Variants in VSTM1 observed in about 807,000 individuals in gnomAD.
The protein encoded by VSTM1 is V-set and transmembrane domain containing 1, also known as V-set and transmembrane domain-containing protein 1.
VSTM1 carries 27 observed loss-of-function variants against 33.1 expected under a neutral mutation model. The ratio of observed to expected loss-of-function variants is 0.82; its 90% CI spans 0.60 to 1.12. The LOEUF (loss-of-function observed/expected upper bound fraction) is 1.12, where lower values mean the gene tolerates loss of function less well. Among genes scored for constraint, VSTM1 ranks in the 50% most tolerant of loss-of-function variants. The probability of loss-of-function intolerance (pLI) is 0.00; values close to 1 mark genes in which losing one functional copy is unlikely to be tolerated. For synonymous variants in VSTM1, 115 were observed against 110.3 expected (o/e 1.04, Z -0.27); for missense variants, 304 against 288.9 (o/e 1.05, Z -0.38).
At chr19:54,042,423 T>C (rs1443496344) in intron 4 of VSTM1, 54 bp from the exon 5 acceptor site, 1 of 1,575,692 alleles carries the variant, frequency 6.3e-7, no homozygotes, top group Non-Finnish European at 8.6e-7. Flanking sequence ...AATCCACTGA[T>C]AGGGGCGAGC....
chr19:54,041,474 T>G (rs2070263220), intron 8 of VSTM1, among the ~76,000 whole-genome samples: 2 of 152,076 alleles, frequency 1.3e-5, no homozygotes, highest in Non-Finnish European at 2.9e-5. Flanking sequence ...GCTAATTTTT[T>G]GTATCTTTAG....
chr19:54,045,372 C>A (rs1293661762), intron 4 of VSTM1, among the ~76,000 whole-genome samples: 1 of 152,078 alleles, frequency 6.6e-6, no homozygotes, highest in Non-Finnish European at 1.5e-5. Context: ...CCTATCCAAT[C>A]TATCTATCCT....
chr19:54,054,878 TG>T (rs1293818345), intron 3 of VSTM1, among the ~76,000 whole-genome samples: 1 of 129,756 alleles, frequency 7.7e-6, no homozygotes, highest in Non-Finnish European at 1.7e-5. Flanking sequence ...GATGGATGGA[TG>T]GATGAGTTGA....
intron 4 of VSTM1, among the ~76,000 whole-genome samples, chr19:54,049,991 ATT>A (rs11297678): frequency 4.7e-4 from 47 of 99,082 alleles, no homozygotes; most frequent in African/African-American, 6.7e-4. Flanking sequence ...TAACTTTTTA[ATT>A]TTTTTTTTTT....
chr19:54,057,343 T>C (rs372721821), intron 3 of VSTM1, among the ~76,000 whole-genome samples: 1 of 107,206 alleles, frequency 9.3e-6, no homozygotes, highest in African/African-American at 3.4e-5. Flanking sequence ...ACATAGATCC[T>C]GTCTCAACAA....
rs769141344 is a variant in VSTM1, at chr19:54,051,294, A to AAAACAAAC, written c.394+108_394+115dup. The AAAACAAAC allele has an allele frequency of 4.4e-5, 45 of 1,014,990 alleles. No homozygotes were observed. The African/African-American group carries it at 6.9e-4, about 16-fold the overall frequency. The allele number at this position is 1,014,990 out of a possible 1,614,324, so 62.9% of individuals were successfully genotyped here. A position where few individuals can be genotyped will look rare whatever the true frequency, so the allele number is the denominator to read the frequency against. On this transcript the variant is annotated intron_variant, in intron 4 of 8. Coordinates refer to ENST00000338372, the MANE Select transcript of VSTM1 (RefSeq NM_198481.4). Reference sequence around the variant, plus strand: ...GTGACAAAGCGAGACTCTATCTCAAAAAACAAACAAACAAACAAACAAACA... The same window carrying AAAACAAAC: ...GTGACAAAGCGAGACTCTATCTCAAAAAACAAACAAACAAACAAACAAACAAACAAACA...
At chr19:54,043,416 C>CTT (rs761364397) in intron 4 of VSTM1, among the ~76,000 whole-genome samples, 20 of 146,398 alleles carry the variant, frequency 1.4e-4, no homozygotes, top group Admixed American at 7.5e-4. Context: ...TATATGTTCT[C>CTT]TTTTTTTTTT....
chr19:54,049,991 ATTTTTTT>A (rs11297678), intron 4 of VSTM1, among the ~76,000 whole-genome samples: 29 of 99,106 alleles, frequency 2.9e-4, no homozygotes, highest in South Asian at 6.2e-4. Flanking sequence ...TAACTTTTTA[ATTTTTTT>A]TTTTTTTTTT....
intron 4 of VSTM1, among the ~76,000 whole-genome samples, chr19:54,046,205 A>G (rs1333341083): frequency 1.3e-5 from 2 of 152,132 alleles, no homozygotes; most frequent in Non-Finnish European, 2.9e-5. Flanking sequence ...TATCTATCAC[A>G]TCTAATTATC....
chr19:54,050,258 C>T (rs1414039007), intron 4 of VSTM1, among the ~76,000 whole-genome samples: 1 of 151,944 alleles, frequency 6.6e-6, no homozygotes, highest in African/African-American at 2.4e-5. Context: ...CTCGGCCTCC[C>T]AAAGTGCTGG....
At chr19:54,062,848 C>T (rs1037286137) in intron 1 of VSTM1, among the ~76,000 whole-genome samples, 5 of 152,114 alleles carry the variant, frequency 3.3e-5, no homozygotes, top group Non-Finnish European at 5.9e-5. Flanking sequence ...CGATGTCCAC[C>T]GCACCCCCCG....
chr19:54,049,105 A>C (rs1421084874), intron 4 of VSTM1, among the ~76,000 whole-genome samples: 2 of 152,144 alleles, frequency 1.3e-5, no homozygotes, highest in Non-Finnish European at 2.9e-5. Flanking sequence ...AACAAAAACA[A>C]AAAAAAGAAT....
At chr19:54,044,305 T>A (rs1047137846) in intron 4 of VSTM1, among the ~76,000 whole-genome samples, 4 of 152,126 alleles carry the variant, frequency 2.6e-5, no homozygotes, top group Non-Finnish European at 2.9e-5. Flanking sequence ...ACGCCTGTAA[T>A]CCTGGCACTT....
chr19:54,045,794 T>C (rs148966274), intron 4 of VSTM1, among the ~76,000 whole-genome samples: 14 of 152,172 alleles, frequency 9.2e-5, no homozygotes, highest in African/African-American at 3.4e-4. Context: ...TATCTATCTA[T>C]CTATCTAGCT....
intron 1 of VSTM1, among the ~76,000 whole-genome samples, chr19:54,060,460 G>A (rs1215764276): frequency 4.6e-5 from 7 of 152,066 alleles, no homozygotes; most frequent in African/African-American, 1.2e-4. Context: ...GATACAGAAC[G>A]TGACCCCCCA....
At chr19:54,063,647 C>T (rs662850) in intron 1 of VSTM1, 97 bp downstream of exon 1, 601,901 of 1,469,712 alleles carry the variant, frequency 0.41, 125,347 homozygotes, top group African/African-American at 0.59. Context: ...ACCTGGAAGT[C>T]ATTACTTCCA....
At chr19:54,045,578 CATCT>C (rs1173536271) in intron 4 of VSTM1, among the ~76,000 whole-genome samples, 13 of 151,794 alleles carry the variant, frequency 8.6e-5, no homozygotes, top group Admixed American at 7.2e-4. Flanking sequence ...CCAAATCTAT[CATCT>C]ATCTAATGTA....
intron 4 of VSTM1, among the ~76,000 whole-genome samples, chr19:54,047,605 A>C (rs1347883333): frequency 6.6e-6 from 1 of 152,082 alleles, no homozygotes; most frequent in Non-Finnish European, 1.5e-5. Context: ...CAACAATTCT[A>C]TCAGTGCATC....
At chr19:54,050,605 G>T (rs1265172342) in intron 4 of VSTM1, among the ~76,000 whole-genome samples, 5 of 152,036 alleles carry the variant, frequency 3.3e-5, no homozygotes, top group Non-Finnish European at 5.9e-5. Flanking sequence ...GAACCCGGAA[G>T]CACTTTAGAG....
Sources: gnomAD v4.1 joint callset for allele counts (sites outside exome capture counted in the v4.1 genomes callset) on GRCh38, gnomAD v4.1.1 for gene constraint, MANE v1.5 for transcripts, NCBI Gene and HGNC (gene_info 2026-07-23, HGNC 2026-07-21) for gene names.